Variants in SAMD7 observed in about 807,000 individuals in gnomAD.
SAMD7 encodes sterile alpha motif domain containing 7, also known as sterile alpha motif domain-containing protein 7.
A neutral mutation model predicts 36.7 loss-of-function variants in SAMD7; 34 were observed. The observed-to-expected ratio is 0.93, with a 90% CI of 0.71 to 1.23. SAMD7 has a LOEUF of 1.23. Ranked by LOEUF, SAMD7 falls within the 50% of genes most tolerant of loss-of-function variation. The pLI, the probability that SAMD7 is intolerant of heterozygous loss-of-function variation, is 0.00. For missense variants in SAMD7, 570 were observed against 546.6 expected, an observed-to-expected ratio of 1.04 and a Z score of -0.43; for synonymous variants, 188 against 189.7, an observed-to-expected ratio of 0.99 and a Z score of 0.07.
intron 7 of SAMD7, among the ~76,000 whole-genome samples, chr3:169,930,778 T>G (rs1278668798): frequency 2.0e-5 from 3 of 151,952 alleles, no homozygotes; most frequent in Non-Finnish European, 4.4e-5. Context: ...AGACAGGGTT[T>G]CATCGTGTTG....
At chr3:169,927,240 G>T (rs1315280127) in intron 6 of SAMD7, 59 bp downstream of exon 6, 8 of 1,220,876 alleles carry the variant, frequency 6.6e-6, no homozygotes, top group Non-Finnish European at 6.8e-6. Flanking sequence ...AAGTCCGTAG[G>T]TTACTACATA....
chr3:169,925,974 C>G (rs969130637), intron 5 of SAMD7, among the ~76,000 whole-genome samples: 1 of 152,094 alleles, frequency 6.6e-6, no homozygotes, highest in African/African-American at 2.4e-5. Flanking sequence ...CTATAGTACC[C>G]AGGAGAAAGA....
intron 7 of SAMD7, among the ~76,000 whole-genome samples, chr3:169,931,784 C>T (rs1408261962): frequency 6.6e-6 from 1 of 152,150 alleles, no homozygotes; most frequent in African/African-American, 2.4e-5. Context: ...GTGATAAGCA[C>T]AGCCTGGGGC....
In SAMD7 at chr3:169,921,313, T is replaced by G; in HGVS notation, c.186T>G (p.Asn62Lys). Residue 62 changes from asparagine to lysine, a missense_variant, in exon 4 of 9, where the codon AAT becomes AAG. Transcript: ENST00000335556. The part of the protein sequence containing the change: ...SSVLPNTNMA[N>K]VLSSRIYPGW... ...TTCTACCAAACACAAATATGGCAAATGTGTTGTCCAGTCGGATCTACCCAG... is the reference window on the plus strand; with the variant it reads ...TTCTACCAAACACAAATATGGCAAAGGTGTTGTCCAGTCGGATCTACCCAG... 6.2e-7 allele frequency: 1 copy of G among 1,614,120 alleles called. No homozygotes were observed. The highest frequency in any genetic ancestry group is 8.5e-7 in the Non-Finnish European group (1 of 1,180,000).
chr3:169,936,253 C>A, intron 7 of SAMD7, 86 bp from the exon 8 acceptor site: 1 of 838,544 alleles, frequency 1.2e-6, no homozygotes. Flanking sequence ...TTAATGTTTT[C>A]TCCAAAACTA....
rs1162781095 is a variant in SAMD7 at position 169,938,431 on chromosome 3, TGATACAATGAACATTTTTTGTCCCCAG to T, written c.1275_1301del (p.Met425_Thr433del). Reference sequence around the variant, plus strand: ...CTCTTCTGGATCCTAATTCCTGGAGTGATACAATGAACATTTTTTGTCCCCAGGATACAATAATTCCTAAAGGAATTG... The same window carrying T: ...CTCTTCTGGATCCTAATTCCTGGAGTGATACAATAATTCCTAAAGGAATTG... On this transcript the variant is annotated inframe_deletion, in exon 9 of 9. Transcript: ENST00000335556. 1 of 1,611,774 alleles carries T rather than the reference TGATACAATGAACATTTTTTGTCCCCAG, an allele frequency of 6.2e-7. No homozygotes were observed. The highest frequency in any genetic ancestry group is 8.5e-7 in the Non-Finnish European group (1 of 1,178,100).
chr3:169,918,540 T>C (rs1039462375), intron 2 of SAMD7, among the ~76,000 whole-genome samples: 2 of 152,198 alleles, frequency 1.3e-5, no homozygotes, highest in African/African-American at 4.8e-5. Flanking sequence ...AACAAGAAAA[T>C]GTCAGGAAAA....
intron 2 of SAMD7, among the ~76,000 whole-genome samples, chr3:169,918,255 T>A (rs1474130476): frequency 2.0e-5 from 3 of 152,080 alleles, no homozygotes; most frequent in African/African-American, 7.2e-5. Context: ...TAGTTATTTT[T>A]AAATGTACAA....
intron 7 of SAMD7, chr3:169,932,275 G>A (rs1481545193): frequency 3.7e-6 from 3 of 800,464 alleles, no homozygotes. Flanking sequence ...AATCATGCAT[G>A]CCATGGCCAC....
chr3:169,930,676 G>A lies in SAMD7; in HGVS notation c.1041+2098G>A, dbSNP rs574837837. ...TGCTCACCACAACCTCCGCCTCCTG[G>A]GTTCAAGCGATTCTCCTGCCTCAGC... On this transcript the variant is annotated intron_variant, in intron 7 of 8. Transcript: ENST00000335556. Among the ~76,000 whole-genome samples, 6 of 150,812 alleles carry A rather than the reference G, an allele frequency of 4.0e-5. No individual in the cohort carries two copies. In the South Asian group the frequency reaches 1.3e-3, roughly 32 times the overall value.
intron 7 of SAMD7, among the ~76,000 whole-genome samples, chr3:169,929,001 A>G (rs527477741): frequency 3.9e-5 from 6 of 152,270 alleles, no homozygotes; most frequent in Admixed American, 6.5e-5. Flanking sequence ...TATATACTTC[A>G]TTCTAAAAGG....
chr3:169,923,274 G>A (rs9870311), intron 4 of SAMD7, among the ~76,000 whole-genome samples: 17,992 of 152,194 alleles, frequency 0.12, 2,407 homozygotes, highest in African/African-American at 0.33. Context: ...TTTAACTGCA[G>A]TGAGAGCAAG....
At chr3:169,913,431 G>C (rs929842879) in intron 1 of SAMD7, among the ~76,000 whole-genome samples, 1 of 152,212 alleles carries the variant, frequency 6.6e-6, no homozygotes, top group Non-Finnish European at 1.5e-5. Context: ...TTTAGTTCAT[G>C]AAGTTCATGT....
chr3:169,921,610 C>A (rs1293336532), intron 4 of SAMD7, among the ~76,000 whole-genome samples: 1 of 152,132 alleles, frequency 6.6e-6, no homozygotes, highest in Non-Finnish European at 1.5e-5. Flanking sequence ...ACATGAGGAA[C>A]TGATAAAGTT....
At chr3:169,933,127 C>A (rs949234308) in intron 7 of SAMD7, 5 of 816,180 alleles carry the variant, frequency 6.1e-6, no homozygotes, top group Non-Finnish European at 1.1e-5. Flanking sequence ...CGTCTGGACG[C>A]CATGGACCAG....
rs570777010 is a variant in SAMD7, at chr3:169,923,636, G to A, written c.212-1422G>A. On this transcript the variant is annotated intron_variant, in intron 4 of 8. Transcript: ENST00000335556. ...ACATGCCTGTAGTCCCAGCTACTTG[G>A]GAGGCTGAGGCAGGAGAATCACTTG... Among the ~76,000 whole-genome samples the A allele has an allele frequency of 1.1e-4, 17 of 152,318 alleles. 1 individual carries two copies. In the South Asian group the frequency reaches 3.5e-3, roughly 32 times the overall value.
Position 169,926,791 on chromosome 3 carries a change from T to TG in SAMD7, c.534dup (p.Gln179AlafsTer19). On this transcript the variant is annotated frameshift_variant, in exon 6 of 9. Transcript: ENST00000335556. LOFTEE classifies it high-confidence loss of function. ...AACTGCACCACACTTTGAGGAGAGC[T>TG]GGGGGCAGAGATGTCGTCGACTCAG... 1.2e-6 allele frequency: 2 copies of TG among 1,613,766 alleles called. No homozygotes were observed. Among genetic ancestry groups the TG allele is most frequent in the Non-Finnish European group, 8.5e-7 (1 of 1,179,974 alleles).
chr3:169,937,182 T>C (rs1418156565), intron 8 of SAMD7, among the ~76,000 whole-genome samples: 1 of 152,166 alleles, frequency 6.6e-6, no homozygotes, highest in Non-Finnish European at 1.5e-5. Context: ...CACTTCTCAC[T>C]ACCTCCACCA....
At chr3:169,916,912 G>A (rs1178052205) in intron 2 of SAMD7, among the ~76,000 whole-genome samples, 3 of 152,124 alleles carry the variant, frequency 2.0e-5, no homozygotes, top group African/African-American at 7.2e-5. Flanking sequence ...CTAGAGTTAT[G>A]AGCCCAGCCC....
Sources: gnomAD v4.1 joint callset for allele counts (sites outside exome capture counted in the v4.1 genomes callset) on GRCh38, gnomAD v4.1.1 for gene constraint, MANE v1.5 for transcripts, NCBI Gene and HGNC (gene_info 2026-07-23, HGNC 2026-07-21) for gene names.